Variants in FBXL2 observed in about 807,000 individuals in gnomAD.
FBXL2 encodes the protein F-box/LRR-repeat protein 2.
In FBXL2, 38 loss-of-function variants were observed where a neutral mutation model predicts 69.2. The observed-to-expected ratio is 0.55, with a 90% confidence interval of 0.42 to 0.72. The LOEUF is 0.72. Ranked by LOEUF, FBXL2 falls within the 30% of genes least tolerant of loss-of-function variation. FBXL2 has a pLI of 0.00. For missense variants in FBXL2, 354 were observed against 520.3 expected (o/e 0.68, Z 3.11); for synonymous variants, 192 against 201.3 (o/e 0.95, Z 0.39).
At chr3:33,396,373 CCTTAT>C in intron 12 of FBXL2, 1 of 920,858 alleles carries the variant, frequency 1.1e-6, no homozygotes, top group East Asian at 2.5e-5. Context: ...AGTTCTATTT[CCTTAT>C]GAGAACTTTA....
At chr3:33,397,048 G>T in intron 12 of FBXL2, 1 of 1,589,384 alleles carries the variant, frequency 6.3e-7, no homozygotes, top group South Asian at 1.2e-5. Flanking sequence ...ATTTTACCTT[G>T]ACTTCAGTGA....
chr3:33,292,253 A>T (rs1026002321), intron 1 of FBXL2, among the ~76,000 whole-genome samples: 2 of 151,984 alleles, frequency 1.3e-5, no homozygotes, highest in Non-Finnish European at 2.9e-5. Context: ...GGTGGTGCAC[A>T]CCTGTAATCC....
chr3:33,421,705 A>C, the FBXL2 span, among the ~76,000 whole-genome samples: 1 of 152,184 alleles, frequency 6.6e-6, no homozygotes, highest in African/African-American at 2.4e-5. Context: ...ACCAAATTTG[A>C]TTTTTATTTT....
At chr3:33,311,619 A>G (rs1279580926) in intron 2 of FBXL2, among the ~76,000 whole-genome samples, 1 of 151,222 alleles carries the variant, frequency 6.6e-6, no homozygotes, top group Non-Finnish European at 1.5e-5. Context: ...TAGCTACGGA[A>G]TTTGTTTGGC....
At chr3:33,281,506 C>T (rs142339143) in intron 1 of FBXL2, among the ~76,000 whole-genome samples, 3,995 of 152,194 alleles carry the variant, frequency 0.026, 83 homozygotes, top group Admixed American at 0.058. Context: ...GGTAAACATA[C>T]GTGTGCATGT....
At chr3:33,378,018 C>A in intron 11 of FBXL2, 85 bp from the exon 12 acceptor site, 1 of 1,281,570 alleles carries the variant, frequency 7.8e-7, no homozygotes, top group Admixed American at 1.7e-5. Context: ...GGACACTGGG[C>A]CAATACTCAG....
chr3:33,278,722 G>A (rs190267031), intron 1 of FBXL2, among the ~76,000 whole-genome samples: 4 of 152,242 alleles, frequency 2.6e-5, no homozygotes, highest in African/African-American at 9.6e-5. Context: ...ACAGTACCAT[G>A]TAATGCCTTT....
Position 33,373,399 on chromosome 3 carries a change from A to G in FBXL2, c.455+44A>G, listed in dbSNP as rs575397854. ...TGTGTCAAGAGAAATACCCAAAGCT[A>G]TGAACATTCTGGAAACCTTCTTAAT... On this transcript the variant is annotated intron_variant, in intron 7 of 14. Transcript: ENST00000484457. 12 of 1,550,510 alleles carry G rather than the reference A, an allele frequency of 7.7e-6. No homozygotes were observed. The East Asian group carries it at 9.0e-5, about 12-fold the overall frequency.
chr3:33,358,707 A>G (rs909230480), intron 2 of FBXL2, among the ~76,000 whole-genome samples: 3 of 152,214 alleles, frequency 2.0e-5, no homozygotes, highest in African/African-American at 7.2e-5. Flanking sequence ...TCCTGTGTCC[A>G]TTACTTAGAA....
At chr3:33,397,408 C>A in intron 12 of FBXL2, 1 of 248,994 alleles carries the variant, frequency 4.0e-6, no homozygotes, top group Non-Finnish European at 7.6e-6. Flanking sequence ...GAACTCTTCC[C>A]GATATAGGAT....
At chr3:33,281,732 C>T (rs1467558524) in intron 1 of FBXL2, among the ~76,000 whole-genome samples, 14 of 151,932 alleles carry the variant, frequency 9.2e-5, no homozygotes, top group African/African-American at 3.4e-4. Flanking sequence ...TTAATGATCG[C>T]CATTCTAACT....
At position 33,380,718 on chromosome 3, in the gene FBXL2, C is replaced by T. The variant is rs1205444279; in HGVS notation, c.951+1977C>T. 2.6e-5 allele frequency among the ~76,000 whole-genome samples: 4 copies of T among 152,150 alleles called. No homozygotes were observed. In the East Asian group the frequency reaches 7.7e-4, roughly 29 times the overall value. Reference sequence around the variant, plus strand: ...TTCTCTGTCCCTCTCCTCCCTGTCTCTTTCATGCACACACATCCACACCAC... The same window carrying T: ...TTCTCTGTCCCTCTCCTCCCTGTCTTTTTCATGCACACACATCCACACCAC... On this transcript the variant is annotated intron_variant, in intron 13 of 14. Coordinates refer to ENST00000484457, the MANE Select transcript of FBXL2 (RefSeq NM_012157.5).
chr3:33,343,657 T>G (rs1370244950), intron 2 of FBXL2, among the ~76,000 whole-genome samples: 1 of 152,126 alleles, frequency 6.6e-6, no homozygotes, highest in East Asian at 1.9e-4. Flanking sequence ...ATATTCAATC[T>G]TTAGTATTTT....
At position 33,393,281 on chromosome 3, in the gene FBXL2, C is replaced by T. The variant is rs530094982; in HGVS notation, n.1214+7553C>T. 2.3e-5 allele frequency: 36 copies of T among 1,574,438 alleles called. No individual in the cohort carries two copies. The East Asian group carries it at 8.0e-4, about 35-fold the overall frequency. On this transcript the variant is annotated intron_variant and non_coding_transcript_variant, in intron 12 of 12. Transcript: ENST00000463736. ...TACATGTATAAAAGTAAATACCAGT[C>T]TGAAAAGGAAAAACAAATGATTTGA...
intron 5 of FBXL2, 53 bp from the exon 6 acceptor site, chr3:33,373,039 C>G (rs2042394693): frequency 6.7e-7 from 1 of 1,489,412 alleles, no homozygotes; most frequent in African/African-American, 1.4e-5. Flanking sequence ...CATATGCCCT[C>G]TAGTGGCTGT....
rs2125715213 is a variant in FBXL2, at chr3:33,297,600, A to C, written c.4-64A>C. On this transcript the variant is annotated intron_variant, in intron 1 of 14. Transcript: ENST00000484457. ...CGTTCTGATCTAGTAGTATAAAAAC[A>C]ATTAATTTTTTCCACATTGATTAAA... 2.9e-6 allele frequency: 3 copies of C among 1,037,208 alleles called. No homozygotes were observed. In the East Asian group the frequency reaches 7.3e-5, roughly 25 times the overall value. 64.3% of individuals were successfully genotyped at this position (1,037,208 alleles called of 1,614,324 possible).
intron 2 of FBXL2, among the ~76,000 whole-genome samples, chr3:33,333,173 A>C (rs1320496844): frequency 6.6e-6 from 1 of 152,184 alleles, no homozygotes; most frequent in African/African-American, 2.4e-5. Flanking sequence ...ATGTGGTTAC[A>C]CAACATTCTG....
At chr3:33,287,242 A>G (rs950415626) in intron 1 of FBXL2, among the ~76,000 whole-genome samples, 26 of 152,078 alleles carry the variant, frequency 1.7e-4, no homozygotes, top group Admixed American at 6.6e-5. Context: ...TTTATATGAG[A>G]TCTATGTTAA....
At chr3:33,395,475 G>A (rs1194213078) in intron 12 of FBXL2, among the ~76,000 whole-genome samples, 2 of 151,910 alleles carry the variant, frequency 1.3e-5, no homozygotes, top group African/African-American at 4.8e-5. Flanking sequence ...ATATTTAGAG[G>A]TGAGAAGAGG....
Sources: allele counts gnomAD v4.1 joint callset (sites outside exome capture counted in the v4.1 genomes callset), GRCh38; gene constraint gnomAD v4.1.1; transcripts MANE v1.5; gene names NCBI Gene and HGNC (gene_info 2026-07-23, HGNC 2026-07-21).